PDCD1LG2: variants seen among roughly 807,000 people sequenced by gnomAD.
PDCD1LG2 encodes the protein programmed cell death 1 ligand 2, also known as B7 dendritic cell molecule.
Under a neutral mutation model 28.2 loss-of-function variants are expected in PDCD1LG2, and 32 were observed. The ratio of observed to expected loss-of-function variants is 1.13; its 90% confidence interval spans 0.86 to 1.52. The LOEUF is 1.52. Ranked by LOEUF, PDCD1LG2 falls within the 40% of genes most tolerant of loss-of-function variation. The pLI is 0.00. For synonymous variants in PDCD1LG2, 116 were observed against 120.2 expected (o/e 0.97, Z 0.23); for missense variants, 385 against 323.8 (o/e 1.19, Z -1.45).
intron 5 of PDCD1LG2, among the ~76,000 whole-genome samples, chr9:5,559,941 T>C (rs1203353383): frequency 6.6e-6 from 1 of 152,056 alleles, no homozygotes; most frequent in African/African-American, 2.4e-5. Flanking sequence ...CAATTCCGAG[T>C]TTTCTCATAC....
Position 5,570,510 on chromosome 9 carries a change from G to C in PDCD1LG2, c.*551G>C, listed in dbSNP as rs1816750288. The C allele has an allele frequency of 1.3e-5, 3 of 233,416 alleles. No homozygotes were observed. In the South Asian group the frequency reaches 5.4e-4, roughly 42 times the overall value. 14.5% of individuals were successfully genotyped at this position (233,416 alleles called of 1,614,324 possible). On this transcript the variant is annotated 3_prime_UTR_variant, in exon 7 of 7. Transcript: ENST00000397747. ...GGAATCTTGATAGCATAATGAAGTT[G>C]TTCTAATTAACAGAGAGCATTTAAA...
rs112673954 is a variant in PDCD1LG2 at position 5,550,376 on chromosome 9, G to A, written c.631+772G>A. Among the ~76,000 whole-genome samples the A allele has an allele frequency of 2.0e-3, 312 of 152,242 alleles. 1 individual carries two copies. The highest frequency in any genetic ancestry group is 6.9e-3 in the African/African-American group (285 of 41,534). On this transcript the variant is annotated intron_variant, in intron 4 of 6. Transcript: ENST00000397747. ...TAACACCTAGTATCATAATCATTTC[G>A]TAAGAGACAGGTAATTTCATCACCG...
chr9:5,564,805 C>T (rs1199287877), intron 6 of PDCD1LG2, among the ~76,000 whole-genome samples: 4 of 152,228 alleles, frequency 2.6e-5, no homozygotes, highest in Admixed American at 2.0e-4. Flanking sequence ...TGAGCTCATT[C>T]CCACTTCTGT....
rs34153756 is a variant in PDCD1LG2 at position 5,525,343 on chromosome 9, TAA to T, written c.55+2756_55+2757del. 3.9e-3 allele frequency among the ~76,000 whole-genome samples: 534 copies of T among 136,822 alleles called. 5 individuals are homozygous for T. Among genetic ancestry groups the T allele is most frequent in the African/African-American group, 9.7e-3 (362 of 37,430 alleles). The allele number at this position is 136,822 out of a possible 152,430, so 89.8% of individuals were successfully genotyped here. ...CTGGGTGACAGAGTGAGATTCCATT[TAA>T]AAAAAAAAAAAAAGAAAAAAAAACA... On this transcript the variant is annotated intron_variant, in intron 2 of 6. Coordinates refer to ENST00000397747, the MANE Select transcript of PDCD1LG2 (RefSeq NM_025239.4).
chr9:5,546,058 T>C (rs1003795655), intron 3 of PDCD1LG2, among the ~76,000 whole-genome samples: 1 of 152,192 alleles, frequency 6.6e-6, no homozygotes. Context: ...TGTGGAGACA[T>C]TTCTGATACT....
At chr9:5,545,547 T>C (rs1278046850) in intron 3 of PDCD1LG2, among the ~76,000 whole-genome samples, 1 of 152,238 alleles carries the variant, frequency 6.6e-6, no homozygotes, top group East Asian at 1.9e-4. Context: ...CAAGGGACAC[T>C]TCATAATGAT....
intron 4 of PDCD1LG2, 92 bp downstream of exon 4, chr9:5,549,696 A>G (rs2129880587): frequency 6.8e-7 from 1 of 1,462,382 alleles, no homozygotes; most frequent in Non-Finnish European, 9.4e-7. Flanking sequence ...AGTGTAATAA[A>G]GGGACTGTTT....
intron 1 of PDCD1LG2, 46 bp from the exon 2 acceptor site, chr9:5,522,487 C>T: frequency 6.8e-7 from 1 of 1,469,842 alleles, no homozygotes; most frequent in Admixed American, 1.8e-5. Context: ...ACCAAAGACC[C>T]AGCAAAGTTT....
At chr9:5,558,117 T>C (rs1395454346) in intron 5 of PDCD1LG2, among the ~76,000 whole-genome samples, 3 of 152,166 alleles carry the variant, frequency 2.0e-5, no homozygotes, top group South Asian at 2.1e-4. Flanking sequence ...TTTCTGAGGA[T>C]TCCTTCCATT....
intron 1 of PDCD1LG2, among the ~76,000 whole-genome samples, chr9:5,514,002 C>T (rs1820109406): frequency 6.6e-6 from 1 of 152,216 alleles, no homozygotes; most frequent in Non-Finnish European, 1.5e-5. Flanking sequence ...TCTAGGTCTT[C>T]ATGGATAGCC....
intron 3 of PDCD1LG2, among the ~76,000 whole-genome samples, chr9:5,539,621 A>C (rs999934920): frequency 2.0e-5 from 3 of 152,226 alleles, no homozygotes; most frequent in Non-Finnish European, 4.4e-5. Flanking sequence ...AATCCATCTG[A>C]GGAAGGGGCG....
chr9:5,543,279 C>T lies in PDCD1LG2; in HGVS notation c.362-6056C>T, dbSNP rs1820722497. Among the ~76,000 whole-genome samples, 3 of 152,088 alleles carry T rather than the reference C, an allele frequency of 2.0e-5. No homozygotes were observed. The South Asian group carries it at 6.2e-4, about 32-fold the overall frequency. Reference sequence around the variant, plus strand: ...TTTGGGCCAGGCGTGGTTGCTCACACCTGTAATCCCAGCACTTTGGGAGGC... The same window carrying T: ...TTTGGGCCAGGCGTGGTTGCTCACATCTGTAATCCCAGCACTTTGGGAGGC... On this transcript the variant is annotated intron_variant, in intron 3 of 6. Coordinates refer to ENST00000397747, the MANE Select transcript of PDCD1LG2 (RefSeq NM_025239.4).
Position 5,570,138 on chromosome 9 carries a change from TG to T in PDCD1LG2, c.*180del. 1.3e-6 allele frequency: 1 copy of T among 787,538 alleles called. No homozygotes were observed. Among genetic ancestry groups the T allele is most frequent in the South Asian group, 1.6e-5 (1 of 63,592 alleles). The allele number at this position is 787,538 out of a possible 1,614,324, so 48.8% of individuals were successfully genotyped here. Reference sequence around the variant, plus strand: ...CTAGCCAACACCTGGCCATGAAACTTGCCCCTTCACTGATCTGGACTCACCT... The same window carrying T: ...CTAGCCAACACCTGGCCATGAAACTTCCCCTTCACTGATCTGGACTCACCT... On this transcript the variant is annotated 3_prime_UTR_variant, in exon 7 of 7. Coordinates refer to ENST00000397747, the MANE Select transcript of PDCD1LG2 (RefSeq NM_025239.4).
intron 3 of PDCD1LG2, among the ~76,000 whole-genome samples, chr9:5,548,743 C>T (rs1816261682): frequency 6.6e-6 from 1 of 152,034 alleles, no homozygotes; most frequent in Non-Finnish European, 1.5e-5. Context: ...ATAAATATAC[C>T]CAACTCTTTA....
In PDCD1LG2 at chr9:5,570,195, T is replaced by C. The variant is rs955093185; in HGVS notation, c.*236T>C. The C allele has an allele frequency of 1.0e-4, 50 of 479,352 alleles. No individual in the cohort carries two copies. Among genetic ancestry groups the C allele is most frequent in the Non-Finnish European group, 1.7e-4 (44 of 264,324 alleles). 29.7% of individuals were successfully genotyped at this position (479,352 alleles called of 1,614,324 possible). ...GCCTATGGCTTTAAGCAAGCACTAC[T>C]GCACTTTACAGAATTACCCCACTGG... On this transcript the variant is annotated 3_prime_UTR_variant, in exon 7 of 7. Coordinates refer to ENST00000397747, the MANE Select transcript of PDCD1LG2 (RefSeq NM_025239.4).
In PDCD1LG2 at chr9:5,570,662, T is replaced by G. The variant is rs980041502; in HGVS notation, c.*703T>G. On this transcript the variant is annotated 3_prime_UTR_variant, in exon 7 of 7. Coordinates refer to ENST00000397747, the MANE Select transcript of PDCD1LG2 (RefSeq NM_025239.4). ...ATGGTGGTTTTTTTTTTGAACTACA[T>G]CTTTCCTTTAAAAATTATTGGTTTC... 5 of 231,498 alleles carry G rather than the reference T, an allele frequency of 2.2e-5. No homozygotes were observed. The highest frequency in any genetic ancestry group is 1.1e-4 in the African/African-American group (5 of 45,252). 14.3% of individuals were successfully genotyped at this position (231,498 alleles called of 1,614,324 possible).
intron 4 of PDCD1LG2, among the ~76,000 whole-genome samples, chr9:5,555,612 C>T (rs1816424433): frequency 6.6e-6 from 1 of 152,166 alleles, no homozygotes. Context: ...AGCTAAGCAG[C>T]TATGTTCCAT....
chr9:5,527,911 C>A (rs1266106463), intron 2 of PDCD1LG2, among the ~76,000 whole-genome samples: 1 of 152,146 alleles, frequency 6.6e-6, no homozygotes, highest in Non-Finnish European at 1.5e-5. Context: ...TTACTGCAAC[C>A]TCCGCCTCCC....
At position 5,549,344 on chromosome 9, in the gene PDCD1LG2, G is replaced by A. The variant is rs2129873829; in HGVS notation, c.371G>A (p.Arg124Lys). The change falls in exon 4 of 7, where the codon AGG becomes AAG. Residue 124 changes from arginine (R) to lysine (K), a missense_variant. Arg to Lys is a conservative substitution (Grantham distance 26, BLOSUM62 2). Transcript: ENST00000397747. ...CTTCTCTATTGTCCAGCTTCCTACA[G>A]GAAAATAAACACTCACATCCTAAAG... Reference protein sequence around the residue: ...YLTLKVKASYRKINTHILKVP... With the variant: ...YLTLKVKASYKKINTHILKVP... 1 of 1,611,298 alleles carries A rather than the reference G, an allele frequency of 6.2e-7. No individual in the cohort carries two copies. Among genetic ancestry groups the A allele is most frequent in the South Asian group, 1.1e-5 (1 of 91,030 alleles).
Sources: allele counts gnomAD v4.1 joint callset (sites outside exome capture counted in the v4.1 genomes callset), GRCh38; gene constraint gnomAD v4.1.1; transcripts MANE v1.5; gene names NCBI Gene and HGNC (gene_info 2026-07-23, HGNC 2026-07-21).